The following SOS2 variants were observed in gnomAD, a reference collection of about 807,000 sequenced individuals.
SOS2 encodes the protein SOS Ras/Rho guanine nucleotide exchange factor 2, also known as son of sevenless homolog 2.
Under a neutral mutation model 148.2 loss-of-function variants are expected in SOS2, and 65 were observed. The observed-to-expected ratio is 0.44, with a 90% CI of 0.36 to 0.54. SOS2 has a LOEUF of 0.54. SOS2 is among the 20% of genes least tolerant of loss of function. The pLI is 0.00. For synonymous variants in SOS2, 539 were observed against 537.1 expected (o/e 1.00, Z -0.05); for missense variants, 1,341 against 1,590.2 (o/e 0.84, Z 2.67).
intron 7 of SOS2, among the ~76,000 whole-genome samples, chr14:50,177,214 A>C (rs4900994): frequency 2.0e-5 from 3 of 151,984 alleles, no homozygotes; most frequent in Admixed American, 6.6e-5. Flanking sequence ...CAGTCACTCA[A>C]GAGGCTAAGG....
chr14:50,139,802 GTT>G lies in SOS2; in HGVS notation c.2785+138_2785+139del, dbSNP rs368756369. ...GTCTTCATTTTATAGAAAATAGAGA[GTT>G]TTATTATTTATTAATACAGAGAGCT... On this transcript the variant is annotated intron_variant, in intron 17 of 22. Transcript: ENST00000216373. 3.7e-4 allele frequency: 185 copies of G among 495,780 alleles called. 2 individuals are homozygous for G. The South Asian group carries it at 4.5e-3, about 12-fold the overall frequency. The allele number at this position is 495,780 out of a possible 1,614,324, so 30.7% of individuals were successfully genotyped here.
chr14:50,165,491 G>A lies in SOS2; in HGVS notation c.1069-3882C>T, dbSNP rs1377740011. On this transcript the variant is annotated intron_variant, in intron 8 of 22. Transcript: ENST00000216373. The stretch of plus-strand genomic sequence containing the variant: ...TTTTTTTTTACTCCACTGAACAAAG[G>A]AAAAATCAATAGGAATTTTTTTCTG... Among the ~76,000 whole-genome samples the A allele has an allele frequency of 2.0e-5, 3 of 152,058 alleles. No individual in the cohort carries two copies. The East Asian group carries it at 5.8e-4, about 29-fold the overall frequency.
At chr14:50,196,106 A>G (rs1886302457) in intron 4 of SOS2, among the ~76,000 whole-genome samples, 2 of 152,232 alleles carry the variant, frequency 1.3e-5, no homozygotes, top group Non-Finnish European at 1.5e-5. Context: ...GGAATCTGGA[A>G]CAAACTCATA....
At chr14:50,151,656 ATGTG>A (rs746127137) in intron 13 of SOS2, among the ~76,000 whole-genome samples, 3 of 152,246 alleles carry the variant, frequency 2.0e-5, no homozygotes, top group Non-Finnish European at 2.9e-5. Context: ...ATTTATTCTA[ATGTG>A]TGTGTGTATT....
chr14:50,167,570 T>C (rs1193957271), intron 8 of SOS2, among the ~76,000 whole-genome samples: 1 of 150,790 alleles, frequency 6.6e-6, no homozygotes, highest in Non-Finnish European at 1.5e-5. Flanking sequence ...AAATGTTGCA[T>C]AATGTTAACA....
intron 19 of SOS2, among the ~76,000 whole-genome samples, chr14:50,133,150 A>T (rs1318550163): frequency 6.6e-6 from 1 of 151,972 alleles, no homozygotes; most frequent in African/African-American, 2.4e-5. Flanking sequence ...TTATGTTGGG[A>T]AATAAAGTTT....
chr14:50,162,758 A>C (rs933653531), intron 8 of SOS2, among the ~76,000 whole-genome samples: 2 of 152,210 alleles, frequency 1.3e-5, no homozygotes, highest in Non-Finnish European at 2.9e-5. Context: ...AAGATTTAGA[A>C]ACTGACTTAT....
At chr14:50,208,694 T>C (rs1886757711) in intron 1 of SOS2, among the ~76,000 whole-genome samples, 1 of 152,106 alleles carries the variant, frequency 6.6e-6, no homozygotes, top group South Asian at 2.1e-4. Flanking sequence ...AAATCATAGT[T>C]AATAGTAAGA....
rs1305398190 is a variant in SOS2 at position 50,180,600 on chromosome 14, G to C, written c.941C>G (p.Ala314Gly). Reference sequence around the variant, plus strand: ...AAAGTGTAGAGCAACTGCAGGTCTGGCCATCAATTTATTGAAATGTTCATG... The same window carrying C: ...AAAGTGTAGAGCAACTGCAGGTCTGCCCATCAATTTATTGAAATGTTCATG... ...EFHEHFNKLMARPAVALHFQS... is the reference protein window; with the variant it reads ...EFHEHFNKLMGRPAVALHFQS... Residue 314 changes from alanine (A) to glycine (G), a missense_variant, in exon 7 of 23, where the codon GCC becomes GGC. Coordinates refer to ENST00000216373, the MANE Select transcript of SOS2 (RefSeq NM_006939.4). 2 of 1,583,192 alleles carry C rather than the reference G, an allele frequency of 1.3e-6. No individual in the cohort carries two copies.
rs574274432 is a variant in SOS2, at chr14:50,170,124, G to C, written c.1068+4330C>G. ...TTTTTTTTTTTTTTTGTAGAGACAA[G>C]GTCTCACTTTGTTGCCCAGGCTGGT... On this transcript the variant is annotated intron_variant, in intron 8 of 22. Coordinates refer to ENST00000216373, the MANE Select transcript of SOS2 (RefSeq NM_006939.4). 2.6e-4 allele frequency among the ~76,000 whole-genome samples: 38 copies of C among 147,224 alleles called. 1 individual carries two copies. Among genetic ancestry groups the C allele is most frequent in the Admixed American group, 2.5e-3 (36 of 14,640 alleles).
intron 8 of SOS2, among the ~76,000 whole-genome samples, chr14:50,164,632 A>C (rs79971204): frequency 7.1e-6 from 1 of 140,980 alleles, no homozygotes; most frequent in Non-Finnish European, 1.6e-5. Flanking sequence ...TTCTGTCTCC[A>C]AAAAAAAAAA....
intron 21 of SOS2, among the ~76,000 whole-genome samples, chr14:50,120,884 T>C (rs1883482529): frequency 6.6e-6 from 1 of 151,714 alleles, no homozygotes; most frequent in Admixed American, 6.6e-5. Context: ...GGATTACAGG[T>C]ACCCACTACC....
chr14:50,119,056 G>C (rs1374068491), intron 22 of SOS2, among the ~76,000 whole-genome samples: 2 of 152,034 alleles, frequency 1.3e-5, no homozygotes. Flanking sequence ...TTTAATTTAA[G>C]TCTTAGGTCC....
At chr14:50,226,932 C>T (rs1410609849) in intron 1 of SOS2, among the ~76,000 whole-genome samples, 2 of 152,196 alleles carry the variant, frequency 1.3e-5, no homozygotes, top group African/African-American at 4.8e-5. Flanking sequence ...TACAAATATA[C>T]ACCATGCTCT....
intron 18 of SOS2, among the ~76,000 whole-genome samples, chr14:50,137,644 T>TA (rs1167683865): frequency 2.6e-5 from 4 of 152,138 alleles, no homozygotes; most frequent in Non-Finnish European, 4.4e-5. Context: ...ACACAAGATC[T>TA]AAAATTTTTT....
At chr14:50,216,985 G>C (rs1887057105) in intron 1 of SOS2, among the ~76,000 whole-genome samples, 1 of 152,098 alleles carries the variant, frequency 6.6e-6, no homozygotes, top group Non-Finnish European at 1.5e-5. Context: ...AAATACAAAG[G>C]TCCTAGAATA....
chr14:50,223,694 A>T (rs1315190870), intron 1 of SOS2, among the ~76,000 whole-genome samples: 1 of 151,698 alleles, frequency 6.6e-6, no homozygotes, highest in Non-Finnish European at 1.5e-5. Context: ...ACAAACAAAA[A>T]ATTAGCTGGG....
chr14:50,226,953 AG>A (rs372102307), intron 1 of SOS2, among the ~76,000 whole-genome samples: 42 of 152,308 alleles, frequency 2.8e-4, no homozygotes, highest in East Asian at 2.1e-3. Context: ...TTTTTCCCCA[AG>A]TAACACAATA....
At chr14:50,171,775 T>C (rs928127444) in intron 8 of SOS2, among the ~76,000 whole-genome samples, 3 of 151,908 alleles carry the variant, frequency 2.0e-5, no homozygotes, top group Admixed American at 6.6e-5. Flanking sequence ...TGAAATATTA[T>C]CATCTCTCAA....
Sources: gnomAD v4.1 joint callset for allele counts (sites outside exome capture counted in the v4.1 genomes callset) on GRCh38, gnomAD v4.1.1 for gene constraint, MANE v1.5 for transcripts, NCBI Gene and HGNC (gene_info 2026-07-23, HGNC 2026-07-21) for gene names.